The following KLHL30 variants were observed in gnomAD, a reference collection of about 807,000 sequenced individuals.
KLHL30 encodes the protein kelch-like protein 30.
A neutral mutation model predicts 55.0 loss-of-function variants in KLHL30; 55 were observed. The observed-to-expected ratio is 1.00, with a 90% CI of 0.80 to 1.25. KLHL30 has a LOEUF of 1.25. KLHL30 is among the 50% of genes most tolerant of loss of function. The pLI is 0.00. For synonymous variants in KLHL30, 356 were observed against 372.6 expected (o/e 0.96, Z 0.51); for missense variants, 786 against 811.6 (o/e 0.97, Z 0.38).
rs1692665037 is a variant in KLHL30, at chr2:238,147,290, CA to C, written c.1151-543del. Among the ~76,000 whole-genome samples, 1 of 152,110 alleles carries C rather than the reference CA, an allele frequency of 6.6e-6. No homozygotes were observed. The highest frequency in any genetic ancestry group is 2.4e-5 in the African/African-American group (1 of 41,422). On this transcript the variant is annotated intron_variant, in intron 5 of 7. Coordinates refer to ENST00000409223, the MANE Select transcript of KLHL30 (RefSeq NM_198582.4). The surrounding 1 kb of genome is among the most constrained non-coding windows in gnomAD (Gnocchi z 5.8). The stretch of plus-strand genomic sequence containing the variant: ...TCTCAGTGGCTACCGTGTCCCCAAC[CA>C]GAGAGCAGAAAGCACCCAGGGCTCC...
intron 6 of KLHL30, 57 bp from the exon 7 acceptor site, chr2:238,148,950 G>C: frequency 3.9e-6 from 6 of 1,526,184 alleles, no homozygotes; most frequent in Non-Finnish European, 5.3e-6. Flanking sequence ...GGGGCACAGT[G>C]CTAGTGCCCG....
In KLHL30 at chr2:238,145,816, GATCTACGTT is replaced by G. The variant is rs1559276666; in HGVS notation, c.1138_1146del (p.Tyr380_Ile382del). 1.2e-6 allele frequency: 2 copies of G among 1,604,456 alleles called. No homozygotes were observed. Among genetic ancestry groups the G allele is most frequent in the Non-Finnish European group, 1.7e-6 (2 of 1,175,464 alleles). On this transcript the variant is annotated inframe_deletion, in exon 5 of 8. Coordinates refer to ENST00000409223, the MANE Select transcript of KLHL30 (RefSeq NM_198582.4). ...ACGCCAGCGCGGCCCTCAATGGGGA[GATCTACGTT>G]ATCGGCGGTGAGGCCTTCCTCTCCA...
chr2:238,151,049 C>A lies in KLHL30; in HGVS notation c.1721C>A (p.Pro574His). The A allele has an allele frequency of 6.3e-7, 1 of 1,592,438 alleles. No homozygotes were observed. The highest frequency in any genetic ancestry group is 8.5e-7 in the Non-Finnish European group (1 of 1,170,502). The change falls in exon 8 of 8, where the codon CCC (proline) becomes CAC (histidine). Residue 574 changes from proline (P) to histidine (H), a missense_variant. Coordinates refer to ENST00000409223, the MANE Select transcript of KLHL30 (RefSeq NM_198582.4). ...DVSKWTQPSG[P>H]TQEH is the part of the protein sequence containing the mutation. The stretch of plus-strand genomic sequence containing the variant: ...TCCAAGTGGACCCAGCCCTCCGGCC[C>A]CACCCAGGAGCACTAAACCAGGGCC...
Position 238,151,873 on chromosome 2 carries a change from T to G in KLHL30, c.*808T>G. On this transcript the variant is annotated 3_prime_UTR_variant, in exon 8 of 8. Coordinates refer to ENST00000409223, the MANE Select transcript of KLHL30 (RefSeq NM_198582.4). ...AAAGGCTCTTCATTAGAATGGAATT[T>G]CCCACCAGGGGACGACTCTTGGGTG... 1.0e-6 allele frequency: 1 copy of G among 985,278 alleles called. No homozygotes were observed. Among genetic ancestry groups the G allele is most frequent in the Non-Finnish European group, 1.2e-6 (1 of 829,832 alleles). 61.0% of individuals were successfully genotyped at this position (985,278 alleles called of 1,614,324 possible). A position where few individuals can be genotyped will look rare whatever the true frequency, so the allele number is the denominator to read the frequency against.
intron 5 of KLHL30, 115 bp downstream of exon 5, chr2:238,145,947 C>A: frequency 8.2e-7 from 1 of 1,222,440 alleles, no homozygotes; most frequent in Non-Finnish European, 1.1e-6. Flanking sequence ...GCCGCTCCCA[C>A]TGCCACCCTC....
At chr2:238,141,550 C>A in intron 2 of KLHL30, 22 bp downstream of exon 2, 1 of 1,433,320 alleles carries the variant, frequency 7.0e-7, no homozygotes, top group Non-Finnish European at 9.1e-7. Context: ...GCTGGGAGGC[C>A]CCATCCCTGG....
intron 3 of KLHL30, among the ~76,000 whole-genome samples, chr2:238,143,848 T>C (rs1393697687): frequency 6.6e-6 from 1 of 152,154 alleles, no homozygotes; most frequent in East Asian, 1.9e-4. Flanking sequence ...GACAGAGCCA[T>C]GAGTCATGGG....
Position 238,142,892 on chromosome 2 carries a change from C to G in KLHL30, c.868C>G (p.Pro290Ala). ...GGAGGAGGCAGGTGAGGAGCCCACCCCCGGCCTTGGGAACTTTGCCTTCTA... is the reference window on the plus strand; with the variant it reads ...GGAGGAGGCAGGTGAGGAGCCCACCGCCGGCCTTGGGAACTTTGCCTTCTA... Reference protein sequence around the residue: ...EEEEAGEEPTPGLGNFAFYNS... With the variant: ...EEEEAGEEPTAGLGNFAFYNS... The change falls in exon 3 of 8, where the codon CCC becomes GCC. Residue 290 changes from proline to alanine, a missense_variant. Pro to Ala is a conservative substitution (Grantham distance 27, BLOSUM62 -1). Coordinates refer to ENST00000409223, the MANE Select transcript of KLHL30 (RefSeq NM_198582.4). 6.7e-7 allele frequency: 1 copy of G among 1,497,312 alleles called. No homozygotes were observed. The highest frequency in any genetic ancestry group is 8.8e-7 in the Non-Finnish European group (1 of 1,134,410). The allele number at this position is 1,497,312 out of a possible 1,614,324, so 92.8% of individuals were successfully genotyped here. A position where few individuals can be genotyped will look rare whatever the true frequency, so the allele number is the denominator to read the frequency against.
rs1692602793 is a variant in KLHL30 at position 238,144,416 on chromosome 2, A to AGGC, written c.908-486_908-485insGGC. Among the ~76,000 whole-genome samples the AGGC allele has an allele frequency of 1.4e-3, 147 of 107,250 alleles. 1 individual carries two copies. The highest frequency in any genetic ancestry group is 4.7e-3 in the African/African-American group (126 of 26,564). 70.4% of individuals were successfully genotyped at this position (107,250 alleles called of 152,430 possible). On this transcript the variant is annotated intron_variant, in intron 3 of 7. Transcript: ENST00000409223. ...GAAGGAAGGAAGGAAGGAAGGAAGG[A>AGGC]AGGAAGGAAGGAAGGAAGGCAGGCA...
In KLHL30 at chr2:238,145,732, C is replaced by A; in HGVS notation, c.1050C>A (p.Phe350Leu). The change falls in exon 5 of 8, where the codon TTC becomes TTA. Residue 350 changes from phenylalanine to leucine, a missense_variant. Coordinates refer to ENST00000409223, the MANE Select transcript of KLHL30 (RefSeq NM_198582.4). ...DTWSTTQAWC[F>L]PLKEASWKPV... Reference sequence around the variant, plus strand: ...GGTCAACCACCCAGGCCTGGTGCTTCCCCCTGAAGGAGGCCTCCTGGAAGC... The same window carrying A: ...GGTCAACCACCCAGGCCTGGTGCTTACCCCTGAAGGAGGCCTCCTGGAAGC... 1 of 1,595,746 alleles carries A rather than the reference C, an allele frequency of 6.3e-7. No homozygotes were observed. Among genetic ancestry groups the A allele is most frequent in the South Asian group, 1.1e-5 (1 of 87,606 alleles).
At chr2:238,144,390 G>GGAAT (rs1692596389) in intron 3 of KLHL30, among the ~76,000 whole-genome samples, 10 of 71,068 alleles carry the variant, frequency 1.4e-4, no homozygotes, top group African/African-American at 5.0e-4. Context: ...AAGGAAGGAA[G>GGAAT]GAAGGAAGGA....
At chr2:238,144,592 G>T (rs1367221567) in intron 3 of KLHL30, among the ~76,000 whole-genome samples, 1 of 152,132 alleles carries the variant, frequency 6.6e-6, no homozygotes, top group Non-Finnish European at 1.5e-5. Flanking sequence ...TCCATTTGGG[G>T]TCAGTGGGGT....
chr2:238,146,273 G>T (rs1417647448), intron 5 of KLHL30, among the ~76,000 whole-genome samples: 2 of 151,632 alleles, frequency 1.3e-5, no homozygotes, highest in African/African-American at 4.8e-5. Flanking sequence ...TCAGCACTTG[G>T]CAGGGCCAAG....
chr2:238,149,378 G>A (rs1281855346), intron 7 of KLHL30, among the ~76,000 whole-genome samples: 1 of 151,852 alleles, frequency 6.6e-6, no homozygotes, highest in East Asian at 1.9e-4. Flanking sequence ...GGTGCCCACA[G>A]AGGGCCCACA....
rs1159862144 is a variant in KLHL30 at position 238,147,277 on chromosome 2, C to T, written c.1151-557C>T. Among the ~76,000 whole-genome samples the T allele has an allele frequency of 2.0e-5, 3 of 152,242 alleles. No individual in the cohort carries two copies. The highest frequency in any genetic ancestry group is 2.1e-4 in the South Asian group (1 of 4,826). On this transcript the variant is annotated intron_variant, in intron 5 of 7. Coordinates refer to ENST00000409223, the MANE Select transcript of KLHL30 (RefSeq NM_198582.4). This position sits in a 1 kb window ranked among gnomAD's most constrained non-coding sequence, Gnocchi z 5.8. Reference sequence around the variant, plus strand: ...GCTGTCCCCTTTCTCTCAGTGGCTACCGTGTCCCCAACCAGAGAGCAGAAA... The same window carrying T: ...GCTGTCCCCTTTCTCTCAGTGGCTATCGTGTCCCCAACCAGAGAGCAGAAA...
chr2:238,141,330 G>A lies in KLHL30; in HGVS notation c.576G>A (p.Pro192=), dbSNP rs770472781. ...CCGGCGACCTGCTGCAGGTACAGCC[G>A]GAGCAAAGCCGACTCGAGGCCCTGA... ...CLAGDLLQVQ[P]EQSRLEALMR... Residue 192 remains proline, a synonymous_variant, in exon 2 of 8, where the codon CCG becomes CCA. Transcript: ENST00000409223. 1.4e-5 allele frequency: 22 copies of A among 1,596,634 alleles called. No individual in the cohort carries two copies. Among genetic ancestry groups the A allele is most frequent in the Middle Eastern group, 1.7e-4 (1 of 6,050 alleles).
In KLHL30 at chr2:238,145,780, C is replaced by G; in HGVS notation, c.1098C>G (p.Pro366=). Residue 366 remains proline (P), a synonymous_variant, in exon 5 of 8, where the codon CCC becomes CCG. Transcript: ENST00000409223. ...SWKPVAPMLK[P]RTNHASAALN... ...AGCCCGTGGCGCCCATGCTGAAGCC[C>G]CGCACCAACCACGCCAGCGCGGCCC... 2.5e-6 allele frequency: 4 copies of G among 1,607,808 alleles called. No individual in the cohort carries two copies. The highest frequency in any genetic ancestry group is 3.4e-6 in the Non-Finnish European group (4 of 1,178,128).
chr2:238,144,369 CGGAAGGAAGGAA>C (rs72453433), intron 3 of KLHL30, among the ~76,000 whole-genome samples: 2,784 of 77,508 alleles, frequency 0.036, 53 homozygotes, highest in Non-Finnish European at 0.042. Context: ...GGAGGGTGCT[CGGAAGGAAGGAA>C]GGAAGGAAGG....
chr2:238,150,535 C>G (rs751118445), intron 7 of KLHL30, among the ~76,000 whole-genome samples: 1 of 152,170 alleles, frequency 6.6e-6, no homozygotes, highest in Admixed American at 6.5e-5. Flanking sequence ...CGGACCTCCC[C>G]GGGAGGCCTC....
Sources: gnomAD v4.1 joint callset for allele counts (sites outside exome capture counted in the v4.1 genomes callset) on GRCh38, gnomAD v4.1.1 for gene constraint, Gnocchi (gnomAD v3.1) non-coding constraint, MANE v1.5 for transcripts, NCBI Gene and HGNC (gene_info 2026-07-23, HGNC 2026-07-21) for gene names.